TARS2: variants seen among roughly 807,000 people sequenced by gnomAD.
The protein encoded by TARS2 is threonine--tRNA ligase, mitochondrial.
TARS2 carries 61 observed loss-of-function variants against 94.4 expected under a neutral mutation model. That is an observed-to-expected ratio of 0.65 (90% confidence interval 0.53 to 0.80). The LOEUF (loss-of-function observed/expected upper bound fraction) is 0.80, where lower values mean the gene tolerates loss of function less well. Among genes scored for constraint, TARS2 ranks in the 30% least tolerant of loss-of-function variants. The probability of loss-of-function intolerance (pLI) is 0.00; values close to 1 mark genes in which losing one functional copy is unlikely to be tolerated. For missense variants in TARS2, 704 were observed against 902.5 expected, an observed-to-expected ratio of 0.78 and a Z score of 2.82; for synonymous variants, 359 against 353.4, an observed-to-expected ratio of 1.02 and a Z score of -0.18.
intron 13 of TARS2, among the ~76,000 whole-genome samples, chr1:150,501,759 A>T (rs1419658903): frequency 6.6e-6 from 1 of 152,256 alleles, no homozygotes; most frequent in East Asian, 1.9e-4. Context: ...TTGAGGCTGC[A>T]TGAGCTATGA....
intron 4 of TARS2, 62 bp from the exon 5 acceptor site, chr1:150,491,332 G>A: frequency 8.4e-6 from 13 of 1,545,458 alleles, no homozygotes; most frequent in South Asian, 1.1e-5. Flanking sequence ...GCCAACAGGT[G>A]TGTCACCCAG....
intron 13 of TARS2, among the ~76,000 whole-genome samples, chr1:150,501,439 TC>T (rs1669916038): frequency 1.4e-5 from 2 of 141,432 alleles, no homozygotes; most frequent in African/African-American, 5.2e-5. Flanking sequence ...TGTCTCAGCC[TC>T]CCGAGTAGCT....
At chr1:150,499,333 T>C (rs1347372580) in intron 13 of TARS2, 40 bp downstream of exon 13, 1 of 1,586,386 alleles carries the variant, frequency 6.3e-7, no homozygotes, top group Non-Finnish European at 8.6e-7. Flanking sequence ...TTTATTTATT[T>C]TTTGCTTTGT....
chr1:150,496,668 G>A (rs1329109750), intron 8 of TARS2, 40 bp downstream of exon 8: 4 of 1,603,676 alleles, frequency 2.5e-6, no homozygotes, highest in Non-Finnish European at 3.4e-6. Flanking sequence ...GGTGATAAGG[G>A]TTGGAGAGAG....
intron 13 of TARS2, among the ~76,000 whole-genome samples, chr1:150,503,545 ATGTGTGTGTG>A (rs368609900): frequency 4.2e-5 from 4 of 95,618 alleles, no homozygotes; most frequent in East Asian, 2.4e-4. Flanking sequence ...AAATACACAT[ATGTGTGTGTG>A]TGTGTGTGTG....
Position 150,498,558 on chromosome 1 carries a change from A to C in TARS2, c.1295A>C (p.Asp432Ala), listed in dbSNP as rs1439536219. Residue 432 changes from aspartate (D) to alanine (A), a missense_variant, in exon 11 of 18, where the codon GAC (aspartate) becomes GCC (alanine). This residue lies in a region of TARS2 where 466 missense variants were observed against 609.5 expected (regional missense o/e 0.76). Transcript: ENST00000369064. ...CGGGAACTGCCCCTGCGACTAGCTG[A>C]CTTTGGGGCTCTACACCGGGCCGAA... ...SWRELPLRLA[D>A]FGALHRAEAS... is the part of the protein sequence containing the mutation. 1 of 1,603,028 alleles carries C rather than the reference A, an allele frequency of 6.2e-7. No homozygotes were observed. Among genetic ancestry groups the C allele is most frequent in the Non-Finnish European group, 8.5e-7 (1 of 1,176,798 alleles).
intron 13 of TARS2, among the ~76,000 whole-genome samples, chr1:150,500,763 G>T (rs1669877799): frequency 6.6e-6 from 1 of 152,150 alleles, no homozygotes; most frequent in East Asian, 1.9e-4. Flanking sequence ...GGCGGAGGTT[G>T]CAGTGAGCCG....
intron 13 of TARS2, 55 bp downstream of exon 13, chr1:150,499,348 GTAAATATTTAA>G (rs1669810751): frequency 6.4e-7 from 1 of 1,551,380 alleles, no homozygotes; most frequent in Admixed American, 1.9e-5. Context: ...CTTTGTTTTA[GTAAATATTTAA>G]TAGATACAAA....
At chr1:150,490,574 T>C (rs1478142299) in intron 3 of TARS2, 27 bp from the exon 4 acceptor site, 5 of 1,607,458 alleles carry the variant, frequency 3.1e-6, no homozygotes, top group African/African-American at 1.3e-5. Flanking sequence ...GTTTATGAAC[T>C]TGTGAACCCC....
In TARS2 at chr1:150,507,507, T is replaced by C. The variant is rs1318535599; in HGVS notation, c.*443T>C. 6.3e-6 allele frequency: 1 copy of C among 158,530 alleles called. No individual in the cohort carries two copies. Among genetic ancestry groups the C allele is most frequent in the South Asian group, 1.8e-4 (1 of 5,522 alleles). 9.8% of individuals were successfully genotyped at this position (158,530 alleles called of 1,614,324 possible). On this transcript the variant is annotated 3_prime_UTR_variant, in exon 18 of 18. Transcript: ENST00000369064. ...TCGCTTGAACCCGGGAGGTAGAGGT[T>C]GCAGTGAGCTGAGATTGCGCCACTG...
At chr1:150,505,745 T>C in intron 17 of TARS2, 40 bp downstream of exon 17, 1 of 1,572,858 alleles carries the variant, frequency 6.4e-7, no homozygotes, top group Non-Finnish European at 8.7e-7. Context: ...CCACCTGCCG[T>C]CTGCATTCTT....
At chr1:150,501,339 A>C (rs1570861755) in intron 13 of TARS2, among the ~76,000 whole-genome samples, 2 of 91,886 alleles carry the variant, frequency 2.2e-5, no homozygotes, top group African/African-American at 4.4e-5. Context: ...TTTTATTGAG[A>C]CTATGTCTCG....
intron 12 of TARS2, 89 bp from the exon 13 acceptor site, chr1:150,499,127 G>C: frequency 6.2e-7 from 1 of 1,610,212 alleles, no homozygotes; most frequent in African/African-American, 1.3e-5. Context: ...GAGGCATCTG[G>C]TGAGTGGGTC....
intron 11 of TARS2, 52 bp from the exon 12 acceptor site, chr1:150,498,845 C>T: frequency 1.2e-6 from 2 of 1,612,714 alleles, no homozygotes; most frequent in Non-Finnish European, 1.7e-6. Flanking sequence ...CTGCCAGCAT[C>T]CCTGATCTCT....
In TARS2 at chr1:150,488,002, A is replaced by G; in HGVS notation, c.211A>G (p.Ile71Val). ...GATATCACTTCCTGGAGGCCAGAAA[A>G]TTGATGCTGTGGCATGGAACACAAC... Reference protein sequence around the residue: ...IKISLPGGQKIDAVAWNTTPY... With the variant: ...IKISLPGGQKVDAVAWNTTPY... The change falls in exon 2 of 18, where the codon ATT (isoleucine) becomes GTT (valine). Residue 71 changes from isoleucine to valine, a missense_variant. By Grantham distance (29) the Ile-to-Val change is conservative. Around this residue, in one of 3 missense-constraint regions of TARS2, gnomAD observed 208 missense variants for 228.5 expected, o/e 0.91. Transcript: ENST00000369064. 1 of 1,614,022 alleles carries G rather than the reference A, an allele frequency of 6.2e-7. No homozygotes were observed. The highest frequency in any genetic ancestry group is 8.5e-7 in the Non-Finnish European group (1 of 1,179,996).
intron 2 of TARS2, chr1:150,488,268 C>T (rs1395531244): frequency 2.0e-6 from 1 of 509,166 alleles, no homozygotes; most frequent in East Asian, 3.2e-5. Context: ...CTCCTGGGCT[C>T]AAGCGATCCT....
At chr1:150,503,553 G>A (rs587694669) in intron 13 of TARS2, among the ~76,000 whole-genome samples, 14 of 87,062 alleles carry the variant, frequency 1.6e-4, no homozygotes, top group Middle Eastern at 5.1e-3. Flanking sequence ...ATATGTGTGT[G>A]TGTGTGTGTG....
chr1:150,506,073 G>C (rs1670187884), intron 17 of TARS2, among the ~76,000 whole-genome samples: 2 of 152,072 alleles, frequency 1.3e-5, no homozygotes, highest in African/African-American at 4.8e-5. Flanking sequence ...GAGGAGAAAG[G>C]CCTTAGGGAG....
chr1:150,506,588 C>T (rs1230917315), intron 17 of TARS2, among the ~76,000 whole-genome samples: 1 of 150,794 alleles, frequency 6.6e-6, no homozygotes, highest in African/African-American at 2.5e-5. Flanking sequence ...CACACACACA[C>T]ACACACACAC....
Sources: gnomAD v4.1 joint callset for allele counts (sites outside exome capture counted in the v4.1 genomes callset) on GRCh38, gnomAD v4.1.1 for gene constraint, gnomAD v4.1.1 regional missense constraint, MANE v1.5 for transcripts, NCBI Gene and HGNC (gene_info 2026-07-23, HGNC 2026-07-21) for gene names.